The following TBC1D5 variants were observed in gnomAD, a reference collection of about 807,000 sequenced individuals.
TBC1D5 encodes TBC1 domain family member 5, also known as TBC1 domain family, member 5.
TBC1D5 carries 75 observed loss-of-function variants against 100.3 expected under a neutral mutation model. The observed-to-expected ratio is 0.75, with a 90% CI of 0.62 to 0.91. The LOEUF (loss-of-function observed/expected upper bound fraction) is 0.91, where lower values mean the gene tolerates loss of function less well. Ranked by LOEUF, TBC1D5 falls within the 40% of genes least tolerant of loss-of-function variation. TBC1D5 has a pLI of 0.00. For synonymous variants in TBC1D5, 323 were observed against 325.6 expected (o/e 0.99, Z 0.09); for missense variants, 910 against 942.4 (o/e 0.97, Z 0.45).
At chr3:17,273,177 T>C (rs1050020530) in intron 15 of TBC1D5, among the ~76,000 whole-genome samples, 2 of 152,190 alleles carry the variant, frequency 1.3e-5, no homozygotes. Context: ...TCATTTTCCA[T>C]GTTGCTAGAA....
intron 2 of TBC1D5, among the ~76,000 whole-genome samples, chr3:17,612,061 G>A (rs533330584): frequency 1.3e-5 from 2 of 152,200 alleles, no homozygotes; most frequent in East Asian, 1.9e-4. Context: ...AGCATACTGG[G>A]AGGCCAAGCG....
intron 1 of TBC1D5, among the ~76,000 whole-genome samples, chr3:17,678,530 C>T (rs2068948276): frequency 6.6e-6 from 1 of 151,988 alleles, no homozygotes; most frequent in Non-Finnish European, 1.5e-5. Context: ...AGAAGTTACT[C>T]ATAACAGAAC....
Position 17,206,897 on chromosome 3 carries a change from T to C in TBC1D5, c.1752+7310A>G, listed in dbSNP as rs576580237. Among the ~76,000 whole-genome samples, 5 of 152,320 alleles carry C rather than the reference T, an allele frequency of 3.3e-5. No homozygotes were observed. The South Asian group carries it at 1.0e-3, about 32-fold the overall frequency. On this transcript the variant is annotated intron_variant, in intron 18 of 21. Transcript: ENST00000253692. ...AGTTGGCTGGTGTGCTTAAATATTA[T>C]AACTTATTCACATAGACAAGTCAGT...
At chr3:17,495,024 G>C (rs9843248) in intron 3 of TBC1D5, among the ~76,000 whole-genome samples, 1 of 152,190 alleles carries the variant, frequency 6.6e-6, no homozygotes, top group Non-Finnish European at 1.5e-5. Context: ...AGCTCCCCTT[G>C]CCCCGTGCGG....
chr3:17,162,151 G>GTGAT (rs1310714265), intron 21 of TBC1D5, among the ~76,000 whole-genome samples: 2 of 152,214 alleles, frequency 1.3e-5, no homozygotes, highest in Non-Finnish European at 2.9e-5. Flanking sequence ...GTGCTGTAAG[G>GTGAT]TGATGTAGTG....
chr3:17,580,850 C>A (rs919449718), intron 2 of TBC1D5, among the ~76,000 whole-genome samples: 1 of 152,054 alleles, frequency 6.6e-6, no homozygotes. Context: ...CTTCTCTAGC[C>A]ACCTCTACTA....
intron 20 of TBC1D5, 116 bp from the exon 22 acceptor site, chr3:17,167,044 G>A: frequency 3.1e-6 from 3 of 972,860 alleles, no homozygotes; most frequent in Non-Finnish European, 1.4e-6. Context: ...TTTATAGTAT[G>A]AATATTAATA....
intron 3 of TBC1D5, among the ~76,000 whole-genome samples, chr3:17,463,598 T>C (rs1169211597): frequency 1.3e-5 from 2 of 152,180 alleles, no homozygotes; most frequent in Admixed American, 6.5e-5. Context: ...TATAATATTT[T>C]AAAAAACTGA....
chr3:17,593,143 A>G (rs1258846058), intron 2 of TBC1D5, among the ~76,000 whole-genome samples: 1 of 152,238 alleles, frequency 6.6e-6, no homozygotes, highest in East Asian at 1.9e-4. Flanking sequence ...CTCAGTTTGC[A>G]CCGATGACCT....
At chr3:17,244,539 T>C (rs1349699311) in intron 16 of TBC1D5, among the ~76,000 whole-genome samples, 2 of 152,174 alleles carry the variant, frequency 1.3e-5, no homozygotes, top group Non-Finnish European at 2.9e-5. Context: ...CTTTCTTTCA[T>C]AGTCTCATTT....
intron 2 of TBC1D5, among the ~76,000 whole-genome samples, chr3:17,514,380 T>C (rs901464675): frequency 6.6e-6 from 1 of 152,194 alleles, no homozygotes; most frequent in African/African-American, 2.4e-5. Flanking sequence ...GGTAAAACCC[T>C]GAAACTTTAA....
chr3:17,256,920 C>T (rs1228719943), intron 16 of TBC1D5, among the ~76,000 whole-genome samples: 1 of 152,042 alleles, frequency 6.6e-6, no homozygotes, highest in African/African-American at 2.4e-5. Context: ...GGCAGAAGTG[C>T]TCTAGCAGGA....
intron 13 of TBC1D5, among the ~76,000 whole-genome samples, chr3:17,326,510 T>C (rs1343792029): frequency 6.6e-6 from 1 of 152,238 alleles, no homozygotes; most frequent in East Asian, 1.9e-4. Context: ...TCTCACTCTG[T>C]TGCCCAGGCT....
chr3:17,508,543 G>A, exon 3 of TBC1D5: 1 of 1,613,650 alleles, frequency 6.2e-7, no homozygotes, highest in Non-Finnish European at 8.5e-7. Flanking sequence ...TGCAGAGGAT[G>A]TCTAGTTTCA....
rs539910965 is a variant in TBC1D5 at position 17,522,609 on chromosome 3, G to C, written c.-35-14004C>G. On this transcript the variant is annotated intron_variant, in intron 2 of 21. Transcript: ENST00000253692. ...CATAGAACAGATACAGGCCAGAAAG[G>C]GTACATGAAAAGAATTAACAAAACT... 8.4e-4 allele frequency among the ~76,000 whole-genome samples: 127 copies of C among 151,588 alleles called. 3 individuals are homozygous for C. In the South Asian group the frequency reaches 0.025, roughly 30 times the overall value.
At chr3:17,564,289 T>C (rs2096580054) in intron 2 of TBC1D5, among the ~76,000 whole-genome samples, 2 of 152,196 alleles carry the variant, frequency 1.3e-5, no homozygotes, top group African/African-American at 4.8e-5. Flanking sequence ...TCCTCACAGA[T>C]CCACTGCATT....
At chr3:17,458,461 C>T (rs1172488287) in intron 3 of TBC1D5, among the ~76,000 whole-genome samples, 1 of 152,176 alleles carries the variant, frequency 6.6e-6, no homozygotes, top group Non-Finnish European at 1.5e-5. Flanking sequence ...ATAAACAAGC[C>T]TGCAAGAGGG....
At chr3:17,332,900 T>A (rs932204222) in intron 13 of TBC1D5, among the ~76,000 whole-genome samples, 1 of 151,952 alleles carries the variant, frequency 6.6e-6, no homozygotes, top group Non-Finnish European at 1.5e-5. Flanking sequence ...AATTGGAAAT[T>A]TTGCTGTCCC....
chr3:17,737,747 CTT>C (rs1448656643), intron 1 of TBC1D5, among the ~76,000 whole-genome samples: 1 of 151,560 alleles, frequency 6.6e-6, no homozygotes, highest in Non-Finnish European at 1.5e-5. Context: ...GGTAAACACT[CTT>C]GTCTTAACAA....
Sources: gnomAD v4.1 joint callset for allele counts (sites outside exome capture counted in the v4.1 genomes callset) on GRCh38, gnomAD v4.1.1 for gene constraint, MANE v1.5 for transcripts, NCBI Gene and HGNC (gene_info 2026-07-23, HGNC 2026-07-21) for gene names.